The following LRRC4C variants were observed in gnomAD, a reference collection of about 807,000 sequenced individuals.
The protein encoded by LRRC4C is leucine-rich repeat-containing protein 4C.
A neutral mutation model predicts 33.6 loss-of-function variants in LRRC4C; 5 were observed. The ratio of observed to expected loss-of-function variants is 0.15; its 90% confidence interval spans 0.08 to 0.31. The LOEUF is 0.31. Ranked by LOEUF, LRRC4C falls within the 10% of genes least tolerant of loss-of-function variation. LRRC4C has a pLI of 1.00. For missense variants in LRRC4C, 560 were observed against 796.7 expected (o/e 0.70, Z 3.58); for synonymous variants, 329 against 302.0 (o/e 1.09, Z -0.93).
At chr11:40,217,073 A>C (rs546641717) in intron 5 of LRRC4C, among the ~76,000 whole-genome samples, 2 of 152,306 alleles carry the variant, frequency 1.3e-5, no homozygotes, top group South Asian at 4.1e-4. Flanking sequence ...GGAAAGGGTG[A>C]AAGAACACGA....
intron 1 of LRRC4C, among the ~76,000 whole-genome samples, chr11:41,132,086 C>G (rs1037681654): frequency 6.6e-6 from 1 of 152,182 alleles, no homozygotes; most frequent in Non-Finnish European, 1.5e-5. Context: ...TCACTTTACT[C>G]TATGGGCTTG....
At chr11:40,189,252 GT>G (rs76945278) in intron 5 of LRRC4C, among the ~76,000 whole-genome samples, 60,139 of 151,944 alleles carry the variant, frequency 0.4, 13,115 homozygotes, top group South Asian at 0.54. Flanking sequence ...TCTTTTTAAT[GT>G]TTTTTAAAAG....
At chr11:40,467,996 T>C (rs1484861083) in intron 3 of LRRC4C, among the ~76,000 whole-genome samples, 1 of 152,178 alleles carries the variant, frequency 6.6e-6, no homozygotes. Context: ...AGGCCAGCAT[T>C]CCAGTGGATA....
chr11:40,881,578 A>T (rs1185429709), intron 2 of LRRC4C, among the ~76,000 whole-genome samples: 1 of 151,000 alleles, frequency 6.6e-6, no homozygotes, highest in Admixed American at 6.6e-5. Context: ...GTTTATTCTC[A>T]TTTTGTGTGA....
chr11:41,228,686 T>G (rs1947651416), intron 1 of LRRC4C, among the ~76,000 whole-genome samples: 1 of 152,158 alleles, frequency 6.6e-6, no homozygotes, highest in South Asian at 2.1e-4. Context: ...AGTGTATGAT[T>G]CTTTTGTCTC....
chr11:40,398,651 CA>C (rs1438804423), intron 3 of LRRC4C, among the ~76,000 whole-genome samples: 1 of 151,866 alleles, frequency 6.6e-6, no homozygotes. Context: ...GCAACAGGGT[CA>C]AACCAAAAAA....
At chr11:41,376,178 G>A (rs1200381994) in intron 1 of LRRC4C, among the ~76,000 whole-genome samples, 1 of 151,958 alleles carries the variant, frequency 6.6e-6, no homozygotes, top group Non-Finnish European at 1.5e-5. Context: ...GAGTTCCCAG[G>A]AGAATTACAA....
intron 1 of LRRC4C, among the ~76,000 whole-genome samples, chr11:41,002,270 G>C (rs1854435514): frequency 6.6e-6 from 1 of 152,108 alleles, no homozygotes; most frequent in Middle Eastern, 3.2e-3. Flanking sequence ...TAATTTGGTG[G>C]TCCCTACCTT....
At chr11:40,792,032 C>T (rs1950643292) in intron 2 of LRRC4C, among the ~76,000 whole-genome samples, 2 of 152,002 alleles carry the variant, frequency 1.3e-5, no homozygotes, top group South Asian at 4.1e-4. Flanking sequence ...ACCAAGCGCT[C>T]TTAAACTCTA....
intron 2 of LRRC4C, among the ~76,000 whole-genome samples, chr11:40,898,200 C>T (rs575918803): frequency 2.0e-5 from 3 of 151,078 alleles, no homozygotes; most frequent in Non-Finnish European, 4.4e-5. Flanking sequence ...ACTAAAAATA[C>T]AAAATTAGCC....
intron 3 of LRRC4C, among the ~76,000 whole-genome samples, chr11:40,469,170 A>G (rs1952799035): frequency 6.6e-6 from 1 of 152,106 alleles, no homozygotes; most frequent in Admixed American, 6.5e-5. Context: ...TGCATTTCCA[A>G]CTGAGGTACC....
chr11:41,282,821 C>G (rs1949715104), intron 1 of LRRC4C, among the ~76,000 whole-genome samples: 1 of 152,310 alleles, frequency 6.6e-6, no homozygotes, highest in South Asian at 2.1e-4. Flanking sequence ...AGAAACAGCT[C>G]AGCCCACCAC....
intron 2 of LRRC4C, among the ~76,000 whole-genome samples, chr11:40,776,277 T>C (rs976397594): frequency 4.0e-5 from 6 of 151,530 alleles, no homozygotes; most frequent in East Asian, 1.9e-4. Context: ...TTTTTCTCTT[T>C]TTTTTTTTGA....
intron 5 of LRRC4C, among the ~76,000 whole-genome samples, chr11:40,185,360 G>A (rs1861324045): frequency 6.6e-6 from 1 of 152,080 alleles, no homozygotes; most frequent in African/African-American, 2.4e-5. Context: ...GTAGGCAGCT[G>A]TCAACAAGCC....
At chr11:40,263,018 A>T (rs1188037966) in intron 4 of LRRC4C, among the ~76,000 whole-genome samples, 1 of 152,022 alleles carries the variant, frequency 6.6e-6, no homozygotes, top group Non-Finnish European at 1.5e-5. Context: ...GCCAGAGCTT[A>T]CATCTCCTGC....
chr11:40,828,995 T>C (rs543319144), intron 2 of LRRC4C, among the ~76,000 whole-genome samples: 1 of 152,098 alleles, frequency 6.6e-6, no homozygotes, highest in South Asian at 2.1e-4. Flanking sequence ...TTCTGGTTTC[T>C]AAATATAATA....
At chr11:41,078,338 G>T (rs899717968) in intron 1 of LRRC4C, among the ~76,000 whole-genome samples, 1 of 152,098 alleles carries the variant, frequency 6.6e-6, no homozygotes, top group Non-Finnish European at 1.5e-5. Flanking sequence ...TATCTTTATG[G>T]CAGTGCTCCA....
intron 1 of LRRC4C, among the ~76,000 whole-genome samples, chr11:41,056,238 C>T (rs1337649008): frequency 6.6e-6 from 1 of 152,102 alleles, no homozygotes; most frequent in African/African-American, 2.4e-5. Flanking sequence ...ATGACTCCAG[C>T]CCTCACAATC....
chr11:40,286,626 T>C (rs1284169544), intron 4 of LRRC4C, among the ~76,000 whole-genome samples: 3 of 152,156 alleles, frequency 2.0e-5, no homozygotes, highest in Admixed American at 6.5e-5. Flanking sequence ...ATTTCTGTTT[T>C]AAATAACCAA....
Sources: allele counts gnomAD v4.1 joint callset (sites outside exome capture counted in the v4.1 genomes callset), GRCh38; gene constraint gnomAD v4.1.1; transcripts MANE v1.5; gene names NCBI Gene and HGNC (gene_info 2026-07-23, HGNC 2026-07-21).